The following VCAN variants were observed in gnomAD, a reference collection of about 807,000 sequenced individuals.
VCAN encodes versican core protein.
VCAN carries 44 observed loss-of-function variants against 245.5 expected under a neutral mutation model. The ratio of observed to expected loss-of-function variants is 0.18; its 90% CI spans 0.14 to 0.23. VCAN has a LOEUF of 0.23. Among genes scored for constraint, VCAN ranks in the 10% least tolerant of loss-of-function variants. The probability of loss-of-function intolerance (pLI) is 1.00; values close to 1 mark genes in which losing one functional copy is unlikely to be tolerated. For missense variants in VCAN, 3,793 were observed against 4,057.9 expected (o/e 0.93, Z 1.77); for synonymous variants, 1,413 against 1,437.0 (o/e 0.98, Z 0.38).
At chr5:83,515,863 T>C (rs191598329) in intron 6 of VCAN, among the ~76,000 whole-genome samples, 2 of 152,326 alleles carry the variant, frequency 1.3e-5, no homozygotes, top group Admixed American at 6.5e-5. Context: ...CTTTCCCCGA[T>C]TGGTATATTA....
intron 5 of VCAN, among the ~76,000 whole-genome samples, chr5:83,508,806 A>T (rs1350829972): frequency 1.3e-5 from 2 of 152,190 alleles, no homozygotes; most frequent in African/African-American, 4.8e-5. Context: ...TTCTTGCAAT[A>T]TGTTTTATAA....
intron 11 of VCAN, among the ~76,000 whole-genome samples, chr5:83,554,622 AC>A (rs370270014): frequency 4.3e-4 from 66 of 151,838 alleles, no homozygotes; most frequent in Admixed American, 2.1e-3. Context: ...AACAACAACA[AC>A]AAAAAAATAG....
At chr5:83,474,743 A>G (rs1744323483) in intron 1 of VCAN, among the ~76,000 whole-genome samples, 1 of 152,236 alleles carries the variant, frequency 6.6e-6, no homozygotes, top group South Asian at 2.1e-4. Flanking sequence ...AGCTTAACCG[A>G]GAGAGCCGAG....
chr5:83,556,982 G>A (rs899311483), intron 12 of VCAN, among the ~76,000 whole-genome samples: 1 of 152,064 alleles, frequency 6.6e-6, no homozygotes, highest in African/African-American at 2.4e-5. Context: ...CCAGTGAAAA[G>A]TGCAGGGTTT....
rs760107218 is a variant in VCAN at position 83,493,672 on chromosome 5, A to G, written c.572A>G (p.Asp191Gly). The G allele has an allele frequency of 1.2e-6, 2 of 1,614,090 alleles. No homozygotes were observed. The highest frequency in any genetic ancestry group is 4.5e-5 in the East Asian group (2 of 44,876). The change falls in exon 4 of 15, where the codon GAT (aspartate) becomes GGT (glycine). Residue 191 changes from aspartate (D) to glycine (G), a missense_variant. Asp to Gly is a moderately conservative substitution (Grantham distance 94, BLOSUM62 -1). Coordinates refer to ENST00000265077, the MANE Select transcript of VCAN (RefSeq NM_004385.5). ...TPEQLFAAYE[D>G]GFEQCDAGWL... ...GAGCAGCTCTTTGCTGCCTATGAAG[A>G]TGGATTTGAGCAGTGTGACGCAGGC...
At chr5:83,565,157 A>G (rs2112488364) in intron 12 of VCAN, among the ~76,000 whole-genome samples, 1 of 152,296 alleles carries the variant, frequency 6.6e-6, no homozygotes, top group Middle Eastern at 3.4e-3. Flanking sequence ...ACTGTACCCA[A>G]TGACTGGCTA....
chr5:83,514,647 T>TG (rs1279129400), intron 6 of VCAN, among the ~76,000 whole-genome samples: 3 of 152,174 alleles, frequency 2.0e-5, no homozygotes, highest in Non-Finnish European at 2.9e-5. Flanking sequence ...TTAGTAGAGA[T>TG]GGGGTTTCAT....
Position 83,538,956 on chromosome 5 carries a change from G to A in VCAN, c.5953G>A (p.Asp1985Asn), listed in dbSNP as rs1207964185. 1.1e-5 allele frequency: 18 copies of A among 1,613,892 alleles called. No homozygotes were observed. Among genetic ancestry groups the A allele is most frequent in the African/African-American group, 4.0e-5 (3 of 74,894 alleles). ...PTSVHISHIS[D>N]SEGPSSTMVS... Reference sequence around the variant, plus strand: ...TTCAGTTCACATCAGTCACATATCTGACTCAGAAGGACCCAGTAGCACCAT... The same window carrying A: ...TTCAGTTCACATCAGTCACATATCTAACTCAGAAGGACCCAGTAGCACCAT... Residue 1985 changes from aspartate to asparagine, a missense_variant, in exon 8 of 15, where the codon GAC becomes AAC. Physicochemically the swap from Asp to Asn is conservative, Grantham distance 23. This residue lies in a region of VCAN where 3,182 missense variants were observed against 3,250.3 expected (regional missense o/e 0.98). Coordinates refer to ENST00000265077, the MANE Select transcript of VCAN (RefSeq NM_004385.5).
At chr5:83,473,977 C>T (rs1744292507) in intron 1 of VCAN, among the ~76,000 whole-genome samples, 2 of 152,180 alleles carry the variant, frequency 1.3e-5, no homozygotes, top group South Asian at 4.2e-4. Flanking sequence ...TCCAGTTCGC[C>T]GCTTAGTGGA....
At position 83,540,246 on chromosome 5, in the gene VCAN, G is replaced by T; in HGVS notation, c.7243G>T (p.Val2415Phe). 3.1e-6 allele frequency: 5 copies of T among 1,614,036 alleles called. No individual in the cohort carries two copies. The highest frequency in any genetic ancestry group is 4.2e-6 in the Non-Finnish European group (5 of 1,179,972). The change falls in exon 8 of 15, where the codon GTT (valine) becomes TTT (phenylalanine). Residue 2415 changes from valine to phenylalanine, a missense_variant. By Grantham distance (50) the Val-to-Phe change is conservative (BLOSUM62 -1). Transcript: ENST00000265077. ...AYGFEMAKEF[V>F]TSAPKPSDLY... The stretch of plus-strand genomic sequence containing the variant: ...TGGTTTTGAAATGGCCAAAGAATTT[G>T]TTACATCAGCACCAAAACCATCTGA...
At chr5:83,476,280 G>A (rs1176663659) in intron 1 of VCAN, among the ~76,000 whole-genome samples, 2 of 152,172 alleles carry the variant, frequency 1.3e-5, no homozygotes, top group Admixed American at 1.3e-4. Context: ...AAACATTTTT[G>A]TTGACGTCAT....
Position 83,493,739 on chromosome 5 carries a change from A to C in VCAN, c.620+19A>C. The C allele has an allele frequency of 6.2e-7, 1 of 1,614,166 alleles. No individual in the cohort carries two copies. Among genetic ancestry groups the C allele is most frequent in the Non-Finnish European group, 8.5e-7 (1 of 1,180,022 alleles). On this transcript the variant is annotated intron_variant, in intron 4 of 14. Coordinates refer to ENST00000265077, the MANE Select transcript of VCAN (RefSeq NM_004385.5). ...CTGTCAGGTAAGAGGTCTGGGGGCCACAGGCTTCATTATTAACTTGAGAGT... is the reference window on the plus strand; with the variant it reads ...CTGTCAGGTAAGAGGTCTGGGGGCCCCAGGCTTCATTATTAACTTGAGAGT...
intron 6 of VCAN, 61 bp from the exon 7 acceptor site, chr5:83,519,288 C>A: frequency 6.4e-7 from 1 of 1,570,296 alleles, no homozygotes. Flanking sequence ...TTAACAAACA[C>A]TGGGCATACA....
chr5:83,518,600 T>C (rs1282274027), intron 6 of VCAN, among the ~76,000 whole-genome samples: 1 of 152,134 alleles, frequency 6.6e-6, no homozygotes, highest in South Asian at 2.1e-4. Flanking sequence ...TAGAACAAAA[T>C]GTAGAACTAC....
At chr5:83,490,970 C>T (rs551843599) in intron 3 of VCAN, among the ~76,000 whole-genome samples, 6 of 151,664 alleles carry the variant, frequency 4.0e-5, no homozygotes, top group East Asian at 3.9e-4. Flanking sequence ...TAACTTATAC[C>T]GAAGAAATAA....
intron 1 of VCAN, among the ~76,000 whole-genome samples, chr5:83,477,896 A>G (rs1744452109): frequency 1.3e-5 from 2 of 152,010 alleles, no homozygotes; most frequent in African/African-American, 4.8e-5. Context: ...CACCAATGAT[A>G]TGCTACACCA....
chr5:83,519,275 C>A, intron 6 of VCAN, 74 bp from the exon 7 acceptor site: 2 of 1,495,912 alleles, frequency 1.3e-6, no homozygotes, highest in Non-Finnish European at 1.8e-6. Context: ...TACTCAGGAG[C>A]ACTTAACAAA....
chr5:83,539,211 A>C lies in VCAN; in HGVS notation c.6208A>C (p.Lys2070Gln), dbSNP rs1292246718. 6.2e-7 allele frequency: 1 copy of C among 1,613,922 alleles called. No individual in the cohort carries two copies. Among genetic ancestry groups the C allele is most frequent in the African/African-American group, 1.3e-5 (1 of 74,940 alleles). The stretch of plus-strand genomic sequence containing the variant: ...ACCAACAGCAGAAGTGGAAGGTACG[A>C]AAGCTCCAGTAGAGAAGGAGGAAGT... ...ILPTAEVEGTKAPVEKEEVKV... is the reference protein window; with the variant it reads ...ILPTAEVEGTQAPVEKEEVKV... Residue 2070 changes from lysine to glutamine, a missense_variant, in exon 8 of 15, where the codon AAA becomes CAA. Physicochemically the swap from Lys to Gln is moderately conservative, Grantham distance 53 (BLOSUM62 1). Transcript: ENST00000265077.
chr5:83,556,703 C>T (rs1044832122), intron 12 of VCAN, among the ~76,000 whole-genome samples: 1 of 151,886 alleles, frequency 6.6e-6, no homozygotes, highest in African/African-American at 2.4e-5. Flanking sequence ...AGATTAATAG[C>T]GATTGGTATA....
Sources: allele counts gnomAD v4.1 joint callset (sites outside exome capture counted in the v4.1 genomes callset), GRCh38; gene constraint gnomAD v4.1.1; regional missense constraint gnomAD v4.1.1; transcripts MANE v1.5; gene names NCBI Gene and HGNC (gene_info 2026-07-23, HGNC 2026-07-21).